ACVR2B: variants seen among roughly 807,000 people sequenced by gnomAD.
ACVR2B encodes the protein activin A receptor type 2B, also known as activin receptor type-2B.
A neutral mutation model predicts 65.1 loss-of-function variants in ACVR2B; 18 were observed. The ratio of observed to expected loss-of-function variants is 0.28; its 90% CI spans 0.19 to 0.41. ACVR2B has a LOEUF of 0.41. Ranked by LOEUF, ACVR2B falls within the 10% of genes least tolerant of loss-of-function variation. ACVR2B has a pLI of 1.00. For missense variants in ACVR2B, 482 were observed against 682.7 expected, an observed-to-expected ratio of 0.71 and a Z score of 3.28; for synonymous variants, 298 against 277.7, an observed-to-expected ratio of 1.07 and a Z score of -0.73.
At chr3:38,482,649 T>C in intron 10 of ACVR2B, 89 bp downstream of exon 10, 2 of 1,546,826 alleles carry the variant, frequency 1.3e-6, no homozygotes, top group Non-Finnish European at 1.8e-6. Context: ...CAAGGGGGAA[T>C]GGGCAAATAG....
chr3:38,459,654 G>C, intron 1 of ACVR2B: 1 of 985,434 alleles, frequency 1.0e-6, no homozygotes, highest in Non-Finnish European at 1.2e-6. Context: ...CCCCAGGCCG[G>C]GGACACCAGG....
chr3:38,468,883 G>T (rs1270087736), intron 1 of ACVR2B, among the ~76,000 whole-genome samples: 1 of 152,198 alleles, frequency 6.6e-6, no homozygotes, highest in African/African-American at 2.4e-5. Context: ...GGAAATGTTT[G>T]TGTATAATCC....
Position 38,487,220 on chromosome 3 carries a change from T to G in ACVR2B, c.*3888T>G, listed in dbSNP as rs1160130979. On this transcript the variant is annotated 3_prime_UTR_variant, in exon 11 of 11. Coordinates refer to ENST00000352511, the MANE Select transcript of ACVR2B (RefSeq NM_001106.4). ...TGATTCTGACTCTGAATACATCATG[T>G]CCGGACTTGGGGGTGTTTCTGCAGA... 2.0e-5 allele frequency: 3 copies of G among 152,290 alleles called. No individual in the cohort carries two copies. The highest frequency in any genetic ancestry group is 4.8e-5 in the African/African-American group (2 of 41,452). 9.4% of individuals were successfully genotyped at this position (152,290 alleles called of 1,614,324 possible).
intron 1 of ACVR2B, among the ~76,000 whole-genome samples, chr3:38,465,534 A>G (rs1444144511): frequency 6.6e-6 from 1 of 152,230 alleles, no homozygotes; most frequent in Non-Finnish European, 1.5e-5. Context: ...ACAGAAATTA[A>G]TAAATCAATG....
intron 1 of ACVR2B, among the ~76,000 whole-genome samples, chr3:38,455,844 G>T (rs545058274): frequency 1.5e-4 from 23 of 152,308 alleles, no homozygotes; most frequent in African/African-American, 5.5e-4. Flanking sequence ...GCATTGGTCT[G>T]CTAGAGGGAG....
rs967170646 is a variant in ACVR2B, at chr3:38,486,558, G to C, written c.*3226G>C. On this transcript the variant is annotated 3_prime_UTR_variant, in exon 11 of 11. Transcript: ENST00000352511. ...GTGACATGCACTTTTGGTGGGCTCA[G>C]ATAATTGGTTTCTTTTTGTTTTTGA... The C allele has an allele frequency of 6.6e-6, 1 of 152,204 alleles. No homozygotes were observed. The highest frequency in any genetic ancestry group is 1.5e-5 in the Non-Finnish European group (1 of 68,068). 9.4% of individuals were successfully genotyped at this position (152,204 alleles called of 1,614,324 possible).
At chr3:38,460,736 C>T (rs1430592089) in intron 1 of ACVR2B, among the ~76,000 whole-genome samples, 1 of 152,234 alleles carries the variant, frequency 6.6e-6, no homozygotes, top group Non-Finnish European at 1.5e-5. Flanking sequence ...ATGGGTCTGA[C>T]CTGCTGGACA....
Position 38,490,110 on chromosome 3 carries a change from T to G in ACVR2B, c.*6778T>G, listed in dbSNP as rs1575593874. ...AGCATCACTGCCACAATACGGAAAG[T>G]GGTCTTCATTTTAGCCTATTTATTT... is the stretch of plus-strand genomic sequence containing the variant. On this transcript the variant is annotated 3_prime_UTR_variant, in exon 11 of 11. Coordinates refer to ENST00000352511, the MANE Select transcript of ACVR2B (RefSeq NM_001106.4). 1 of 152,292 alleles carries G rather than the reference T, an allele frequency of 6.6e-6. No homozygotes were observed. The highest frequency in any genetic ancestry group is 1.9e-4 in the East Asian group (1 of 5,202). 9.4% of individuals were successfully genotyped at this position (152,292 alleles called of 1,614,324 possible). A position where few individuals can be genotyped will look rare whatever the true frequency, so the allele number is the denominator to read the frequency against.
intron 1 of ACVR2B, chr3:38,454,589 T>G: frequency 2.6e-6 from 1 of 379,946 alleles, no homozygotes; most frequent in Non-Finnish European, 4.5e-6. Context: ...ATCTGCGGGA[T>G]TCTGGTTCCT....
intron 1 of ACVR2B, among the ~76,000 whole-genome samples, chr3:38,462,537 A>G (rs1709666594): frequency 6.6e-6 from 1 of 152,262 alleles, no homozygotes; most frequent in Non-Finnish European, 1.5e-5. Flanking sequence ...ATAGAACCTT[A>G]CAGAATAAAC....
At chr3:38,469,765 A>G (rs1342422391) in intron 1 of ACVR2B, among the ~76,000 whole-genome samples, 1 of 152,222 alleles carries the variant, frequency 6.6e-6, no homozygotes, top group Non-Finnish European at 1.5e-5. Flanking sequence ...CAGTATTCAA[A>G]ATTCTAAAAC....
intron 1 of ACVR2B, among the ~76,000 whole-genome samples, chr3:38,461,228 C>T (rs530685601): frequency 1.9e-4 from 29 of 152,208 alleles, no homozygotes; most frequent in African/African-American, 6.3e-4. Context: ...ATTATGTGTC[C>T]GTTGATTTAG....
At chr3:38,471,040 TTTTG>T (rs992468634) in intron 1 of ACVR2B, among the ~76,000 whole-genome samples, 2 of 152,142 alleles carry the variant, frequency 1.3e-5, no homozygotes, top group Non-Finnish European at 2.9e-5. Context: ...GAGAAAGATT[TTTTG>T]TTTAAGTTAG....
At chr3:38,467,755 A>G (rs1018952996) in intron 1 of ACVR2B, among the ~76,000 whole-genome samples, 5 of 150,342 alleles carry the variant, frequency 3.3e-5, no homozygotes, top group African/African-American at 9.7e-5. Flanking sequence ...CTGTGTCCAA[A>G]AAAAAAAAAG....
At chr3:38,461,918 C>T (rs533120671) in intron 1 of ACVR2B, among the ~76,000 whole-genome samples, 59 of 152,246 alleles carry the variant, frequency 3.9e-4, no homozygotes, top group South Asian at 6.2e-4. Flanking sequence ...TTTGGCCGGG[C>T]GTGGTGGCTC....
Position 38,482,192 on chromosome 3 carries a change from A to G in ACVR2B, c.1075-6A>G. On this transcript the variant is annotated splice_polypyrimidine_tract_variant and splice_region_variant and intron_variant, in intron 8 of 10. Coordinates refer to ENST00000352511, the MANE Select transcript of ACVR2B (RefSeq NM_001106.4). ...GTAAATCCTGCCCTCCTCTGTCCTC[A>G]CATAGGTAGGCACGAGACGGTACAT... is the stretch of plus-strand genomic sequence containing the variant. 1 of 1,613,534 alleles carries G rather than the reference A, an allele frequency of 6.2e-7. No individual in the cohort carries two copies. Among genetic ancestry groups the G allele is most frequent in the Non-Finnish European group, 8.5e-7 (1 of 1,179,914 alleles).
chr3:38,466,907 G>A (rs559594629), intron 1 of ACVR2B, among the ~76,000 whole-genome samples: 1 of 152,182 alleles, frequency 6.6e-6, no homozygotes, highest in Non-Finnish European at 1.5e-5. Flanking sequence ...GGAATGAAGA[G>A]CAATGAAAAT....
Position 38,477,279 on chromosome 3 carries a change from G to C in ACVR2B, c.53-8G>C. On this transcript the variant is annotated splice_polypyrimidine_tract_variant and splice_region_variant and intron_variant, in intron 1 of 10. Coordinates refer to ENST00000352511, the MANE Select transcript of ACVR2B (RefSeq NM_001106.4). The surrounding 1 kb of genome is among the most constrained non-coding windows in gnomAD (Gnocchi z 6.7). ...ATGCTCAGTGGTTCTCTTTTCTCTG[G>C]GGCACAGGCTCTGGGCGTGGGGAGG... The C allele has an allele frequency of 6.2e-7, 1 of 1,613,916 alleles. No individual in the cohort carries two copies.
At chr3:38,467,725 C>T (rs1177278668) in intron 1 of ACVR2B, among the ~76,000 whole-genome samples, 1 of 149,038 alleles carries the variant, frequency 6.7e-6, no homozygotes, top group East Asian at 2.0e-4. Context: ...GTACTCCAGC[C>T]TAGGTCACAG....
Sources: gnomAD v4.1 joint callset for allele counts (sites outside exome capture counted in the v4.1 genomes callset) on GRCh38, gnomAD v4.1.1 for gene constraint, Gnocchi (gnomAD v3.1) non-coding constraint, MANE v1.5 for transcripts, NCBI Gene and HGNC (gene_info 2026-07-23, HGNC 2026-07-21) for gene names.